Variants in LMBR1 observed in about 807,000 individuals in gnomAD.
LMBR1 encodes the protein limb development membrane protein 1.
Under a neutral mutation model 73.9 loss-of-function variants are expected in LMBR1, and 52 were observed. That is an observed-to-expected ratio of 0.70 (90% confidence interval 0.56 to 0.89). The LOEUF (loss-of-function observed/expected upper bound fraction) is 0.89, where lower values mean the gene tolerates loss of function less well. Among genes scored for constraint, LMBR1 ranks in the 40% least tolerant of loss-of-function variants. The pLI is 0.00. For missense variants in LMBR1, 539 were observed against 579.8 expected (o/e 0.93, Z 0.72); for synonymous variants, 215 against 209.4 (o/e 1.03, Z -0.23).
chr7:156,724,000 A>G, intron 15 of LMBR1, 112 bp downstream of exon 15: 1 of 724,668 alleles, frequency 1.4e-6, no homozygotes, highest in Non-Finnish European at 2.3e-6. Context: ...ATAATGTAGG[A>G]AGAAACACTG....
intron 4 of LMBR1, among the ~76,000 whole-genome samples, chr7:156,798,423 T>C (rs913450196): frequency 1.3e-5 from 2 of 152,284 alleles, no homozygotes; most frequent in Admixed American, 6.5e-5. Context: ...CTGGTTTTTG[T>C]TACTAGAAAT....
Position 156,678,333 on chromosome 7 carries a change from G to T in LMBR1, c.*5745C>A, listed in dbSNP as rs1244145856. On this transcript the variant is annotated 3_prime_UTR_variant, in exon 17 of 17. Transcript: ENST00000353442. ...GTCGCGAAAATCCCATGAGTTCTGA[G>T]GAATGGTCCAGGGCAGCCTGTGACA... The T allele has an allele frequency of 6.6e-6, 1 of 152,208 alleles. No individual in the cohort carries two copies. Among genetic ancestry groups the T allele is most frequent in the African/African-American group, 2.4e-5 (1 of 41,444 alleles). 9.4% of individuals were successfully genotyped at this position (152,208 alleles called of 1,614,324 possible). A position where few individuals can be genotyped will look rare whatever the true frequency, so the allele number is the denominator to read the frequency against.
chr7:156,890,816 A>C (rs950752471), intron 1 of LMBR1, among the ~76,000 whole-genome samples: 1 of 152,050 alleles, frequency 6.6e-6, no homozygotes, highest in Admixed American at 6.6e-5. Flanking sequence ...ACAAATGCAC[A>C]CTCTTTAACC....
chr7:156,761,610 T>C (rs1429328834), intron 8 of LMBR1, among the ~76,000 whole-genome samples: 11 of 152,194 alleles, frequency 7.2e-5, no homozygotes, highest in Admixed American at 5.9e-4. Context: ...TATGCACCTA[T>C]AGTTAGTATT....
chr7:156,725,702 G>C (rs1815594624), intron 13 of LMBR1, 62 bp downstream of exon 13: 3 of 1,450,268 alleles, frequency 2.1e-6, no homozygotes, highest in South Asian at 2.4e-5. Context: ...AATAACTACT[G>C]CCCCAGAAAA....
At chr7:156,892,040 G>T (rs1803094385) in intron 1 of LMBR1, among the ~76,000 whole-genome samples, 1 of 152,160 alleles carries the variant, frequency 6.6e-6, no homozygotes, top group African/African-American at 2.4e-5. Flanking sequence ...TGAAAACACA[G>T]ATAAACCCAA....
intron 1 of LMBR1, among the ~76,000 whole-genome samples, chr7:156,869,166 T>C (rs1247887609): frequency 3.3e-5 from 5 of 152,214 alleles, no homozygotes; most frequent in African/African-American, 1.2e-4. Context: ...CTCATGTCTA[T>C]TTTTCCCATC....
At chr7:156,706,240 T>C (rs1810915647) in intron 15 of LMBR1, among the ~76,000 whole-genome samples, 1 of 149,212 alleles carries the variant, frequency 6.7e-6, no homozygotes, top group Non-Finnish European at 1.5e-5. Context: ...TACATCCAAA[T>C]ATACATGCAG....
chr7:156,691,798 C>CT (rs1164018612), intron 15 of LMBR1, among the ~76,000 whole-genome samples: 1 of 151,938 alleles, frequency 6.6e-6, no homozygotes, highest in African/African-American at 2.4e-5. Flanking sequence ...GATTAGCATA[C>CT]TTTTTTCCTT....
chr7:156,698,900 T>G (rs956040288), intron 15 of LMBR1, among the ~76,000 whole-genome samples: 1 of 152,250 alleles, frequency 6.6e-6, no homozygotes, highest in Non-Finnish European at 1.5e-5. Context: ...TCTTTTCTAT[T>G]GCATTGTCAG....
chr7:156,798,935 T>C (rs967498245), intron 4 of LMBR1, among the ~76,000 whole-genome samples: 1 of 151,970 alleles, frequency 6.6e-6, no homozygotes. Context: ...GGCTCATACC[T>C]GTAATCCCAG....
At chr7:156,846,797 G>A (rs1250828074) in intron 1 of LMBR1, among the ~76,000 whole-genome samples, 1 of 152,082 alleles carries the variant, frequency 6.6e-6, no homozygotes, top group Non-Finnish European at 1.5e-5. Context: ...TAATAACAAT[G>A]TATTGTATAG....
intron 15 of LMBR1, among the ~76,000 whole-genome samples, chr7:156,719,202 A>G (rs539762179): frequency 1.2e-3 from 168 of 138,508 alleles, no homozygotes; most frequent in African/African-American, 4.3e-3. Flanking sequence ...TCATTGTTCA[A>G]TTCCCACCTA....
chr7:156,724,968 A>G (rs536671071), intron 14 of LMBR1, among the ~76,000 whole-genome samples: 5 of 152,194 alleles, frequency 3.3e-5, no homozygotes, highest in Non-Finnish European at 5.9e-5. Flanking sequence ...ACCCAATGAC[A>G]TGTTGTGGAA....
At chr7:156,761,993 C>CAAAAAAA in intron 8 of LMBR1, 141 bp downstream of exon 8, 1 of 346,344 alleles carries the variant, frequency 2.9e-6, no homozygotes, top group Non-Finnish European at 5.2e-6. Flanking sequence ...AAAAAAAAAA[C>CAAAAAAA]TTAATAAAAC....
intron 1 of LMBR1, among the ~76,000 whole-genome samples, chr7:156,886,087 C>T (rs1306337550): frequency 6.6e-6 from 1 of 151,244 alleles, no homozygotes; most frequent in Non-Finnish European, 1.5e-5. Context: ...GTAGGAAGAT[C>T]TCTTGAGCCT....
At chr7:156,708,872 G>A (rs926061064) in intron 15 of LMBR1, among the ~76,000 whole-genome samples, 1 of 152,086 alleles carries the variant, frequency 6.6e-6, no homozygotes, top group African/African-American at 2.4e-5. Flanking sequence ...TGTGGGAGCT[G>A]GATGAGGCCT....
intron 9 of LMBR1, among the ~76,000 whole-genome samples, chr7:156,749,616 C>T (rs1820460738): frequency 6.6e-6 from 1 of 152,100 alleles, no homozygotes; most frequent in African/African-American, 2.4e-5. Flanking sequence ...TCCAATCTGA[C>T]ACCCAGCAAA....
At chr7:156,751,419 A>T (rs1473619977) in intron 9 of LMBR1, among the ~76,000 whole-genome samples, 1 of 152,180 alleles carries the variant, frequency 6.6e-6, no homozygotes, top group Non-Finnish European at 1.5e-5. Context: ...AAGAGACAGC[A>T]GGCATCAGAC....
Sources: gnomAD v4.1 joint callset for allele counts (sites outside exome capture counted in the v4.1 genomes callset) on GRCh38, gnomAD v4.1.1 for gene constraint, MANE v1.5 for transcripts, NCBI Gene and HGNC (gene_info 2026-07-23, HGNC 2026-07-21) for gene names.